Variants in DIP2B observed in about 807,000 individuals in gnomAD.
DIP2B encodes the protein disco-interacting protein 2 homolog B.
Under a neutral mutation model 198.0 loss-of-function variants are expected in DIP2B, and 76 were observed. The observed-to-expected ratio is 0.38, with a 90% confidence interval of 0.32 to 0.46. DIP2B has a LOEUF of 0.46. DIP2B is among the 20% of genes least tolerant of loss of function. The pLI is 0.99. For missense variants in DIP2B, 1,559 were observed against 1,978.4 expected (o/e 0.79, Z 4.02); for synonymous variants, 701 against 739.1 (o/e 0.95, Z 0.84).
At chr12:50,736,061 A>T (rs1940133541) in intron 34 of DIP2B, among the ~76,000 whole-genome samples, 1 of 152,188 alleles carries the variant, frequency 6.6e-6, no homozygotes, top group Admixed American at 6.5e-5. Context: ...GATAATGATG[A>T]TACCTCAGAA....
At chr12:50,513,227 A>G (rs1388729231) in intron 1 of DIP2B, among the ~76,000 whole-genome samples, 1 of 152,172 alleles carries the variant, frequency 6.6e-6, no homozygotes, top group African/African-American at 2.4e-5. Flanking sequence ...AATGGAATCA[A>G]TTTGTGATAA....
At chr12:50,605,308 A>G (rs1163611302) in intron 1 of DIP2B, among the ~76,000 whole-genome samples, 2 of 152,188 alleles carry the variant, frequency 1.3e-5, no homozygotes, top group Non-Finnish European at 2.9e-5. Flanking sequence ...TCAGCCAGGT[A>G]AGGTGGCTCA....
At chr12:50,596,764 A>G (rs548376114) in intron 1 of DIP2B, among the ~76,000 whole-genome samples, 25 of 152,322 alleles carry the variant, frequency 1.6e-4, no homozygotes, top group African/African-American at 5.5e-4. Context: ...AAACAGATGA[A>G]AAAAATAGAC....
intron 1 of DIP2B, among the ~76,000 whole-genome samples, chr12:50,620,637 C>CA (rs11408679): frequency 0.25 from 37,777 of 152,064 alleles, 5,449 homozygotes; most frequent in East Asian, 0.39. Context: ...ATTTATTTCT[C>CA]AAAAAAACTT....
intron 14 of DIP2B, among the ~76,000 whole-genome samples, chr12:50,693,476 GA>G (rs139977961): frequency 6.6e-6 from 1 of 151,612 alleles, no homozygotes; most frequent in Admixed American, 6.6e-5. Context: ...GGTGGAGAGA[GA>G]AAAAAAATAC....
intron 1 of DIP2B, among the ~76,000 whole-genome samples, chr12:50,603,441 C>T (rs1172185676): frequency 6.6e-6 from 1 of 152,038 alleles, no homozygotes; most frequent in Non-Finnish European, 1.5e-5. Context: ...AGAATTGAGT[C>T]TTTTAAAAAA....
At chr12:50,708,351 C>A in intron 21 of DIP2B, 97 bp from the exon 22 acceptor site, 2 of 1,018,946 alleles carry the variant, frequency 2.0e-6, no homozygotes, top group South Asian at 1.5e-5. Flanking sequence ...TTTTGGGTAG[C>A]ATGGTGGGGT....
chr12:50,505,345 G>A, intron 1 of DIP2B, 105 bp downstream of exon 1: 1 of 884,690 alleles, frequency 1.1e-6, no homozygotes, highest in Non-Finnish European at 1.6e-6. Context: ...CGAGGGGGAC[G>A]AGGGTGTAGA....
At chr12:50,597,856 G>A (rs555953382) in intron 1 of DIP2B, among the ~76,000 whole-genome samples, 1 of 152,308 alleles carries the variant, frequency 6.6e-6, no homozygotes, top group South Asian at 2.1e-4. Context: ...TTAAGGAGAA[G>A]GATGAAAACT....
intron 1 of DIP2B, among the ~76,000 whole-genome samples, chr12:50,578,504 C>CTTTTTTT (rs62685162): frequency 4.5e-5 from 5 of 111,618 alleles, no homozygotes; most frequent in Non-Finnish European, 7.1e-5. Context: ...GTTATTTGCT[C>CTTTTTTT]TTTTTTTTTT....
chr12:50,514,782 CA>C (rs761155838), intron 1 of DIP2B, among the ~76,000 whole-genome samples: 20 of 152,174 alleles, frequency 1.3e-4, no homozygotes, highest in Non-Finnish European at 2.6e-4. Flanking sequence ...CTCAGCCTCT[CA>C]AGTAGCTGGG....
chr12:50,708,390 A>C (rs1462899850), intron 21 of DIP2B, 58 bp from the exon 22 acceptor site: 1 of 1,497,144 alleles, frequency 6.7e-7, no homozygotes, highest in African/African-American at 1.4e-5. Context: ...CCAGTTAAAC[A>C]AAACAAATAG....
intron 3 of DIP2B, among the ~76,000 whole-genome samples, chr12:50,643,072 A>G (rs540723482): frequency 6.7e-6 from 1 of 149,692 alleles, no homozygotes; most frequent in South Asian, 2.1e-4. Context: ...TGTTTTTTTA[A>G]CCTTCCTTTT....
At chr12:50,553,587 C>T (rs566182295) in intron 1 of DIP2B, among the ~76,000 whole-genome samples, 10 of 152,274 alleles carry the variant, frequency 6.6e-5, no homozygotes, top group East Asian at 3.9e-4. Flanking sequence ...GTGATTCTGA[C>T]GGCCAATATA....
chr12:50,634,545 G>A (rs1938122500), intron 2 of DIP2B, among the ~76,000 whole-genome samples: 1 of 152,176 alleles, frequency 6.6e-6, no homozygotes, highest in African/African-American at 2.4e-5. Flanking sequence ...ACAAGACACT[G>A]CCCAGAACCT....
At chr12:50,619,863 C>T (rs1937773925) in intron 1 of DIP2B, among the ~76,000 whole-genome samples, 1 of 152,022 alleles carries the variant, frequency 6.6e-6, no homozygotes, top group African/African-American at 2.4e-5. Flanking sequence ...TTGAGACCAG[C>T]CTGGGCAATA....
chr12:50,513,078 G>A (rs1039881127), intron 1 of DIP2B, among the ~76,000 whole-genome samples: 2 of 152,186 alleles, frequency 1.3e-5, no homozygotes, highest in African/African-American at 4.8e-5. Flanking sequence ...TAATAGAAAA[G>A]CTGAGTATAG....
chr12:50,722,250 TTTG>T, intron 26 of DIP2B, among the ~76,000 whole-genome samples: 1 of 131,906 alleles, frequency 7.6e-6, no homozygotes, highest in African/African-American at 2.9e-5. Context: ...TGTTTGTTTG[TTTG>T]TTTATTTTAT....
intron 28 of DIP2B, among the ~76,000 whole-genome samples, chr12:50,726,361 T>C (rs1939933529): frequency 1.3e-5 from 2 of 152,176 alleles, no homozygotes; most frequent in South Asian, 4.1e-4. Flanking sequence ...GCTACCATTC[T>C]CTTTTGGAGA....
Sources: gnomAD v4.1 joint callset for allele counts (sites outside exome capture counted in the v4.1 genomes callset) on GRCh38, gnomAD v4.1.1 for gene constraint, MANE v1.5 for transcripts, NCBI Gene and HGNC (gene_info 2026-07-23, HGNC 2026-07-21) for gene names.